AHCYL2: variants seen among roughly 807,000 people sequenced by gnomAD.
AHCYL2 encodes the protein adenosylhomocysteinase like 2.
A neutral mutation model predicts 81.4 loss-of-function variants in AHCYL2; 28 were observed. That is an observed-to-expected ratio of 0.34 (90% confidence interval 0.25 to 0.47). The LOEUF is 0.47. AHCYL2 is among the 20% of genes least tolerant of loss of function. AHCYL2 has a pLI of 1.00. For synonymous variants in AHCYL2, 272 were observed against 290.2 expected, an observed-to-expected ratio of 0.94 and a Z score of 0.64; for missense variants, 551 against 785.1, an observed-to-expected ratio of 0.70 and a Z score of 3.56.
chr7:129,420,596 C>G (rs1008987459), intron 12 of AHCYL2, among the ~76,000 whole-genome samples: 7 of 151,448 alleles, frequency 4.6e-5, no homozygotes, highest in Non-Finnish European at 1.0e-4. Context: ...CCTCCCACCT[C>G]AGCCTCCTGA....
At position 129,238,515 on chromosome 7, in the gene AHCYL2, C is replaced by T. The variant is rs550803598; in HGVS notation, c.363+13076C>T. 5.9e-5 allele frequency among the ~76,000 whole-genome samples: 9 copies of T among 152,104 alleles called. 1 individual carries two copies. In the East Asian group the frequency reaches 1.7e-3, roughly 29 times the overall value. On this transcript the variant is annotated intron_variant, in intron 1 of 16. Transcript: ENST00000325006. ...TAAGTTAGCAAGATACCATTCTTGCCCTCCAGGAGAGGATAGGGAATGTAG... is the reference window on the plus strand; with the variant it reads ...TAAGTTAGCAAGATACCATTCTTGCTCTCCAGGAGAGGATAGGGAATGTAG...
chr7:129,402,663 G>A (rs764798887), intron 6 of AHCYL2, among the ~76,000 whole-genome samples: 6 of 152,206 alleles, frequency 3.9e-5, no homozygotes, highest in Non-Finnish European at 5.9e-5. Flanking sequence ...GCACAGCGTT[G>A]TGTTTATCTT....
At chr7:129,270,890 T>G (rs975569895) in intron 1 of AHCYL2, among the ~76,000 whole-genome samples, 2 of 152,146 alleles carry the variant, frequency 1.3e-5, no homozygotes, top group African/African-American at 4.8e-5. Flanking sequence ...ATAGGTTCAG[T>G]TTAGAATGTT....
At chr7:129,315,320 G>C (rs1237160889) in intron 1 of AHCYL2, among the ~76,000 whole-genome samples, 2 of 152,154 alleles carry the variant, frequency 1.3e-5, no homozygotes, top group Non-Finnish European at 2.9e-5. Flanking sequence ...AAGCACTTCA[G>C]GGTCCAGTAC....
In AHCYL2 at chr7:129,225,426, G is replaced by A; in HGVS notation, c.350G>A (p.Arg117His). The change falls in exon 1 of 17, where the codon CGC (arginine) becomes CAC (histidine). Residue 117 changes from arginine to histidine, a missense_variant. This residue lies in a region of AHCYL2 where 235 missense variants were observed against 242.1 expected (regional missense o/e 0.97). Transcript: ENST00000325006. ...GACGGCACCGTCACCGAGGCGCCGC[G>A]CACAGTCAAGAAGGTACTGGGGCCG... ...SPDGTVTEAP[R>H]TVKKQIQFAD... 2 of 1,514,808 alleles carry A rather than the reference G, an allele frequency of 1.3e-6. No individual in the cohort carries two copies. The highest frequency in any genetic ancestry group is 1.8e-6 in the Non-Finnish European group (2 of 1,137,152). 93.8% of individuals were successfully genotyped at this position (1,514,808 alleles called of 1,614,324 possible).
chr7:129,363,355 G>T (rs1291746943), intron 1 of AHCYL2, among the ~76,000 whole-genome samples: 1 of 152,090 alleles, frequency 6.6e-6, no homozygotes, highest in Non-Finnish European at 1.5e-5. Flanking sequence ...CACAGTCTTT[G>T]TCAGTTAATA....
chr7:129,267,521 T>C lies in AHCYL2; in HGVS notation c.363+42082T>C, dbSNP rs140582462. Among the ~76,000 whole-genome samples, 254 of 152,150 alleles carry C rather than the reference T, an allele frequency of 1.7e-3. 2 individuals are homozygous for C. In the Middle Eastern group the frequency reaches 0.024, roughly 14 times the overall value. On this transcript the variant is annotated intron_variant, in intron 1 of 16. Transcript: ENST00000325006. ...GGTTTCTCCATGTTGTCCAAGCTGG[T>C]CTCGAACTCCTGACCTCAAGTCATC...
At chr7:129,369,695 G>A (rs1159042258) in intron 1 of AHCYL2, among the ~76,000 whole-genome samples, 3 of 151,904 alleles carry the variant, frequency 2.0e-5, no homozygotes, top group Non-Finnish European at 4.4e-5. Flanking sequence ...TGGGATTACA[G>A]GTGTGCACCA....
chr7:129,281,827 A>C (rs1796459109), intron 1 of AHCYL2, among the ~76,000 whole-genome samples: 1 of 152,146 alleles, frequency 6.6e-6, no homozygotes, highest in Non-Finnish European at 1.5e-5. Flanking sequence ...ATGGAAGCTG[A>C]AGTCTTTTAT....
At position 129,394,656 on chromosome 7, in the gene AHCYL2, G is replaced by C. The variant is rs148649003; in HGVS notation, c.721-2566G>C. Among the ~76,000 whole-genome samples the C allele has an allele frequency of 6.5e-3, 985 of 152,052 alleles. 9 individuals are homozygous for C. The highest frequency in any genetic ancestry group is 0.023 in the African/African-American group (945 of 41,494). On this transcript the variant is annotated intron_variant, in intron 4 of 16. Transcript: ENST00000325006. ...GATGGGGTTTCTCCATGTTGGTCAG[G>C]CTGGTCTCAAACTCCCGACCCCAGG...
intron 6 of AHCYL2, among the ~76,000 whole-genome samples, chr7:129,402,318 T>A (rs1271256647): frequency 6.6e-6 from 1 of 151,998 alleles, no homozygotes. Flanking sequence ...AGAAAATAGG[T>A]CAACAGCAAG....
intron 1 of AHCYL2, among the ~76,000 whole-genome samples, chr7:129,237,806 A>G (rs1584690256): frequency 6.6e-6 from 1 of 151,720 alleles, no homozygotes; most frequent in Non-Finnish European, 1.5e-5. Context: ...GGTCACTGCA[A>G]CCTCCATCTC....
intron 1 of AHCYL2, among the ~76,000 whole-genome samples, chr7:129,378,857 C>T (rs1045893993): frequency 6.6e-6 from 1 of 152,058 alleles, no homozygotes; most frequent in Non-Finnish European, 1.5e-5. Context: ...ATATTCTTTC[C>T]AGTTTTACTT....
chr7:129,389,008 G>A, intron 2 of AHCYL2, 48 bp from the exon 3 acceptor site: 1 of 1,584,354 alleles, frequency 6.3e-7, no homozygotes, highest in South Asian at 1.1e-5. Flanking sequence ...TGGAATTTTA[G>A]AGGAAGCATT....
intron 1 of AHCYL2, among the ~76,000 whole-genome samples, chr7:129,249,875 A>G (rs1050544415): frequency 1.3e-5 from 2 of 152,140 alleles, no homozygotes; most frequent in African/African-American, 2.4e-5. Context: ...AGGTCCCTTC[A>G]TATTGTAGCC....
chr7:129,283,426 T>C (rs1796518969), intron 1 of AHCYL2: 1 of 455,942 alleles, frequency 2.2e-6, no homozygotes, highest in Non-Finnish European at 4.4e-6. Context: ...TTCAGGCAGG[T>C]AGGTAAATCT....
At chr7:129,370,826 C>G (rs937691557) in intron 1 of AHCYL2, among the ~76,000 whole-genome samples, 1 of 152,206 alleles carries the variant, frequency 6.6e-6, no homozygotes, top group African/African-American at 2.4e-5. Context: ...TACCTTTGCT[C>G]AGTATTTTGA....
In AHCYL2 at chr7:129,413,691, A is replaced by G; in HGVS notation, c.1461+3A>G. 6.2e-7 allele frequency: 1 copy of G among 1,613,150 alleles called. No homozygotes were observed. The highest frequency in any genetic ancestry group is 8.5e-7 in the Non-Finnish European group (1 of 1,179,238). ...ATTCCAACACAGAGATTGACGTGGT[A>G]AGATCAAGTAGCTCATTATTGGGGG... On this transcript the variant is annotated splice_donor_region_variant and intron_variant, in intron 12 of 16. Coordinates refer to ENST00000325006, the MANE Select transcript of AHCYL2 (RefSeq NM_015328.4).
chr7:129,414,794 G>C (rs1796765174), intron 12 of AHCYL2, among the ~76,000 whole-genome samples: 1 of 152,034 alleles, frequency 6.6e-6, no homozygotes, highest in Admixed American at 6.5e-5. Flanking sequence ...AAATTTTTCT[G>C]GCATTTTTAT....
Sources: gnomAD v4.1 joint callset for allele counts (sites outside exome capture counted in the v4.1 genomes callset) on GRCh38, gnomAD v4.1.1 for gene constraint, gnomAD v4.1.1 regional missense constraint, MANE v1.5 for transcripts, NCBI Gene and HGNC (gene_info 2026-07-23, HGNC 2026-07-21) for gene names.